Variants in CROCC2 observed in about 807,000 individuals in gnomAD.
CROCC2 encodes the protein ciliary rootlet coiled-coil, rootletin family member 2.
In CROCC2, 163 loss-of-function variants were observed where a neutral mutation model predicts 177.6. The ratio of observed to expected loss-of-function variants is 0.92; its 90% CI spans 0.81 to 1.05. The LOEUF (loss-of-function observed/expected upper bound fraction) is 1.05. CROCC2 is among the 50% of genes least tolerant of loss of function. The probability of loss-of-function intolerance (pLI) is 0.00; values close to 1 mark genes in which losing one functional copy is unlikely to be tolerated. For synonymous variants in CROCC2, 904 were observed against 787.3 expected, an observed-to-expected ratio of 1.15 and a Z score of -2.48; for missense variants, 1,929 against 1,797.8, an observed-to-expected ratio of 1.07 and a Z score of -1.32.
intron 27 of CROCC2, among the ~76,000 whole-genome samples, chr2:240,975,783 G>A (rs1052320346): frequency 2.1e-5 from 3 of 143,274 alleles, no homozygotes; most frequent in Non-Finnish European, 1.5e-5. Flanking sequence ...AGGCTGGAGT[G>A]CAGTGGCACG....
chr2:240,960,857 T>G lies in CROCC2; in HGVS notation c.3087+1413T>G, dbSNP rs2106476514. Among the ~76,000 whole-genome samples the G allele has an allele frequency of 7.2e-6, 1 of 139,422 alleles. No homozygotes were observed. The highest frequency in any genetic ancestry group is 1.5e-5 in the Non-Finnish European group (1 of 65,888). The allele number at this position is 139,422 out of a possible 152,430, so 91.5% of individuals were successfully genotyped here. A position where few individuals can be genotyped will look rare whatever the true frequency, so the allele number is the denominator to read the frequency against. On this transcript the variant is annotated intron_variant, in intron 20 of 31. Transcript: ENST00000690015. The surrounding 1 kb of genome is among the most constrained non-coding windows in gnomAD (Gnocchi z 5.0). ...GGTCTCCTTTCAACAGATTTCAAAG[T>G]CAGGCCCGGTCAGCGACCACACGGG...
At chr2:240,919,052 CGTGGGGG>C (rs1559589568) in intron 2 of CROCC2, among the ~76,000 whole-genome samples, 176 bp downstream of exon 2, 1,499 of 37,534 alleles carry the variant, frequency 0.04, 88 homozygotes, top group East Asian at 0.29. Flanking sequence ...AAGGTGATGG[CGTGGGGG>C]ACGGTCCTGG....
chr2:240,983,140 G>A (rs2059812887), intron 28 of CROCC2, 111 bp downstream of exon 28: 1 of 1,137,588 alleles, frequency 8.8e-7, no homozygotes, highest in Admixed American at 2.5e-5. Context: ...CATGAAGGGA[G>A]GCCTAGAGAG....
At chr2:240,971,932 C>G (rs1054815550) in intron 27 of CROCC2, among the ~76,000 whole-genome samples, 9 of 152,136 alleles carry the variant, frequency 5.9e-5, no homozygotes, top group Admixed American at 5.9e-4. Context: ...CCACGGTGGC[C>G]TCGTTCGGCC....
chr2:240,907,360 C>T (rs866337327), intron 1 of CROCC2, among the ~76,000 whole-genome samples: 1 of 152,094 alleles, frequency 6.6e-6, no homozygotes, highest in Non-Finnish European at 1.5e-5. Context: ...CCTCGGATAT[C>T]CCTCCTCCCT....
intron 18 of CROCC2, chr2:240,954,746 A>G (rs752851367): frequency 6.6e-6 from 1 of 152,118 alleles, no homozygotes; most frequent in African/African-American, 2.4e-5. Context: ...CAAAGCCCCA[A>G]CCCTCTAATA....
rs1017292709 is a variant in CROCC2, at chr2:240,915,081, G to A, written c.79-3645G>A. 7.9e-5 allele frequency among the ~76,000 whole-genome samples: 12 copies of A among 152,316 alleles called. No homozygotes were observed. The South Asian group carries it at 1.0e-3, about 13-fold the overall frequency. ...GCAGGCAGTATGGGCTGGCAGGTGC[G>A]CTGTGGCTCCACCCCACCCCAGTGG... On this transcript the variant is annotated intron_variant, in intron 1 of 31. Transcript: ENST00000690015.
intron 5 of CROCC2, among the ~76,000 whole-genome samples, chr2:240,928,769 C>A (rs1362670062): frequency 6.6e-6 from 1 of 151,978 alleles, no homozygotes; most frequent in African/African-American, 2.4e-5. Context: ...AGGAGCACGC[C>A]CTCGGAGGGC....
chr2:240,942,059 C>T (rs139548475), intron 14 of CROCC2, among the ~76,000 whole-genome samples: 14 of 152,306 alleles, frequency 9.2e-5, no homozygotes, highest in African/African-American at 3.4e-4. Flanking sequence ...CTGCCAGCAC[C>T]TTGATTTTGG....
intron 4 of CROCC2, among the ~76,000 whole-genome samples, chr2:240,923,110 G>A (rs2059367309): frequency 6.6e-6 from 1 of 152,070 alleles, no homozygotes; most frequent in Admixed American, 6.5e-5. Flanking sequence ...TCACCATGGG[G>A]GACGGGACTG....
intron 11 of CROCC2, 87 bp from the exon 12 acceptor site, chr2:240,934,244 A>G: frequency 7.0e-7 from 1 of 1,429,458 alleles, no homozygotes; most frequent in Non-Finnish European, 9.4e-7. Context: ...GCTTGGAGGG[A>G]GTTGCAGGTG....
intron 20 of CROCC2, among the ~76,000 whole-genome samples, chr2:240,961,714 GCA>G (rs375969064): frequency 1.7e-4 from 21 of 124,078 alleles, no homozygotes; most frequent in Middle Eastern, 5.7e-3. Context: ...ACACATGCAT[GCA>G]CACACACGTA....
rs915631700 is a variant in CROCC2 at position 240,988,861 on chromosome 2, G to C, written c.4674G>C (p.Gln1558His). The part of the protein sequence containing the change: ...QEVDGALRQN[Q>H]QLQAQMTEME... Reference sequence around the variant, plus strand: ...TGGACGGAGCCCTGAGGCAAAATCAGCAGCTGCAGGTCAACTGGGCCAGTG... The same window carrying C: ...TGGACGGAGCCCTGAGGCAAAATCACCAGCTGCAGGTCAACTGGGCCAGTG... Residue 1558 changes from glutamine (Q) to histidine (H), a missense_variant, in exon 29 of 32, where the codon CAG becomes CAC. By Grantham distance (24) the Gln-to-His change is conservative. Coordinates refer to ENST00000690015, the MANE Select transcript of CROCC2 (RefSeq NM_001351305.2). The C allele has an allele frequency of 6.3e-5, 93 of 1,481,988 alleles. No homozygotes were observed. The highest frequency in any genetic ancestry group is 8.1e-5 in the Non-Finnish European group (90 of 1,107,984). The allele number at this position is 1,481,988 out of a possible 1,614,324, so 91.8% of individuals were successfully genotyped here.
intron 6 of CROCC2, 96 bp from the exon 7 acceptor site, chr2:240,930,835 G>A (rs2059424282): frequency 3.3e-6 from 2 of 602,982 alleles, no homozygotes; most frequent in Middle Eastern, 2.8e-4. Context: ...TCCTGACGAT[G>A]GCCAAGGAGG....
At chr2:240,988,713 G>T in intron 28 of CROCC2, 26 bp from the exon 29 acceptor site, 2 of 1,350,940 alleles carry the variant, frequency 1.5e-6, no homozygotes, top group Non-Finnish European at 1.9e-6. Flanking sequence ...GGAGGCCACA[G>T]GTTCTGCCTC....
At chr2:240,992,153 C>G (rs4452135) in intron 31 of CROCC2, among the ~76,000 whole-genome samples, 5,873 of 152,338 alleles carry the variant, frequency 0.039, 400 homozygotes, top group African/African-American at 0.13. Flanking sequence ...CTGTGTCCAT[C>G]TGCACCCCTC....
intron 22 of CROCC2, among the ~76,000 whole-genome samples, chr2:240,965,006 C>T (rs1345686834): frequency 6.6e-6 from 1 of 152,320 alleles, no homozygotes; most frequent in East Asian, 1.9e-4. Context: ...CTGGCCTCTG[C>T]AGGGCAGGGT....
rs1163955384 is a variant in CROCC2 at position 240,966,009 on chromosome 2, G to A, written c.3961+16G>A. The A allele has an allele frequency of 1.5e-6, 2 of 1,336,670 alleles. No homozygotes were observed. The highest frequency in any genetic ancestry group is 1.9e-6 in the Non-Finnish European group (2 of 1,050,292). The allele number at this position is 1,336,670 out of a possible 1,614,324, so 82.8% of individuals were successfully genotyped here. On this transcript the variant is annotated intron_variant, in intron 24 of 31. Transcript: ENST00000690015. ...CCCACCAAAGGTCAGAGTCCTCAGT[G>A]GAGGCAGGCGGGCCCCTCTCCCAGC...
At chr2:240,926,534 G>A (rs2059396502) in intron 5 of CROCC2, among the ~76,000 whole-genome samples, 2 of 152,134 alleles carry the variant, frequency 1.3e-5, no homozygotes, top group South Asian at 2.1e-4. Flanking sequence ...GGGACTGGAC[G>A]CCCAGCCCCT....
Sources: gnomAD v4.1 joint callset for allele counts (sites outside exome capture counted in the v4.1 genomes callset) on GRCh38, gnomAD v4.1.1 for gene constraint, Gnocchi (gnomAD v3.1) non-coding constraint, MANE v1.5 for transcripts, NCBI Gene and HGNC (gene_info 2026-07-23, HGNC 2026-07-21) for gene names.